The following SLC25A21 variants were observed in gnomAD, a reference collection of about 807,000 sequenced individuals.
SLC25A21 encodes mitochondrial 2-oxodicarboxylate carrier.
In SLC25A21, 47 loss-of-function variants were observed where a neutral mutation model predicts 43.8. The observed-to-expected ratio is 1.07, with a 90% confidence interval of 0.85 to 1.37. SLC25A21 has a LOEUF of 1.37. Ranked by LOEUF, SLC25A21 falls within the 40% of genes most tolerant of loss-of-function variation. The pLI is 0.00. For synonymous variants in SLC25A21, 131 were observed against 121.3 expected (o/e 1.08, Z -0.52); for missense variants, 352 against 350.2 (o/e 1.00, Z -0.04).
At chr14:37,127,067 GT>G (rs1963309927) in intron 1 of SLC25A21, among the ~76,000 whole-genome samples, 1 of 152,124 alleles carries the variant, frequency 6.6e-6, no homozygotes, top group South Asian at 2.1e-4. Context: ...AGAGCACTGG[GT>G]TCACCTAGGG....
At chr14:36,922,619 T>C (rs10146438) in intron 1 of SLC25A21, among the ~76,000 whole-genome samples, 75,013 of 151,282 alleles carry the variant, frequency 0.5, 20,849 homozygotes, top group Non-Finnish European at 0.62. Flanking sequence ...TATGAGGGAG[T>C]TGGAGCTAAA....
chr14:37,040,234 G>T (rs1295057396), intron 1 of SLC25A21, among the ~76,000 whole-genome samples: 1 of 25,650 alleles, frequency 3.9e-5, no homozygotes, highest in Non-Finnish European at 6.9e-5. Flanking sequence ...GAAAAAGAAA[G>T]GGAGGAAGGG....
At chr14:36,745,876 G>GA (rs1438589277) in intron 3 of SLC25A21, among the ~76,000 whole-genome samples, 1 of 152,014 alleles carries the variant, frequency 6.6e-6, no homozygotes, top group Non-Finnish European at 1.5e-5. Flanking sequence ...CTAATCATCA[G>GA]AAAAATGCAA....
chr14:36,753,965 G>GAGAGAA (rs1885824241), intron 3 of SLC25A21, among the ~76,000 whole-genome samples: 6 of 150,888 alleles, frequency 4.0e-5, no homozygotes, highest in Admixed American at 6.6e-5. Context: ...GAGAGAAAGA[G>GAGAGAA]AGAGAAAAAG....
intron 3 of SLC25A21, among the ~76,000 whole-genome samples, chr14:36,799,122 T>A (rs1212004282): frequency 6.6e-6 from 1 of 152,088 alleles, no homozygotes; most frequent in Non-Finnish European, 1.5e-5. Flanking sequence ...TGAAAGAAAA[T>A]GGATTTCCCC....
rs1407152845 is a variant in SLC25A21, at chr14:36,708,790, C to G, written c.603+2528G>C. On this transcript the variant is annotated intron_variant, in intron 7 of 9. Transcript: ENST00000331299. ...TGTAGCGATGAGGTCTCACTATGTT[C>G]CCCAGGCCTGTCTCAACTCTTGGCC... 3.8e-5 allele frequency among the ~76,000 whole-genome samples: 5 copies of G among 131,816 alleles called. No homozygotes were observed. The South Asian group carries it at 1.2e-3, about 32-fold the overall frequency. 86.5% of individuals were successfully genotyped at this position (131,816 alleles called of 152,430 possible).
intron 9 of SLC25A21, among the ~76,000 whole-genome samples, chr14:36,682,815 G>A (rs1403612861): frequency 6.6e-6 from 1 of 152,154 alleles, no homozygotes; most frequent in Non-Finnish European, 1.5e-5. Flanking sequence ...TGGGATAGAT[G>A]GGTTGGGAAT....
chr14:36,890,353 C>CA (rs1566714031), intron 1 of SLC25A21, among the ~76,000 whole-genome samples: 1 of 152,076 alleles, frequency 6.6e-6, no homozygotes, highest in Non-Finnish European at 1.5e-5. Flanking sequence ...GAGGAAATGA[C>CA]AGAGGGCAAA....
chr14:36,949,237 T>C (rs59381342), intron 1 of SLC25A21, among the ~76,000 whole-genome samples: 6,592 of 152,280 alleles, frequency 0.043, 284 homozygotes, highest in Middle Eastern at 0.14. Context: ...GGAAATGTAA[T>C]ACCTATAAGA....
intron 1 of SLC25A21, among the ~76,000 whole-genome samples, chr14:36,896,199 A>T (rs1025075990): frequency 6.6e-6 from 1 of 152,018 alleles, no homozygotes; most frequent in African/African-American, 2.4e-5. Context: ...GTCTCTAAGG[A>T]CTTGCTTTAT....
At chr14:37,074,453 G>T (rs763229699) in intron 1 of SLC25A21, among the ~76,000 whole-genome samples, 1 of 152,134 alleles carries the variant, frequency 6.6e-6, no homozygotes, top group Non-Finnish European at 1.5e-5. Context: ...TTCCCAGAAG[G>T]CTGAATTCTA....
At chr14:36,710,480 G>T (rs1031167177) in intron 7 of SLC25A21, among the ~76,000 whole-genome samples, 3 of 152,168 alleles carry the variant, frequency 2.0e-5, no homozygotes, top group Non-Finnish European at 4.4e-5. Context: ...TGCCAGGCTG[G>T]AGTGCAGTGG....
At chr14:37,160,260 G>A (rs1225402724) in intron 1 of SLC25A21, among the ~76,000 whole-genome samples, 3 of 152,202 alleles carry the variant, frequency 2.0e-5, no homozygotes, top group Non-Finnish European at 4.4e-5. Flanking sequence ...AGTGATAGCT[G>A]CACTTGCATG....
At chr14:37,107,665 TATC>T (rs1962940961) in intron 1 of SLC25A21, among the ~76,000 whole-genome samples, 2 of 152,306 alleles carry the variant, frequency 1.3e-5, no homozygotes, top group South Asian at 4.1e-4. Flanking sequence ...TTGTTATTGT[TATC>T]ATCCCCATTT....
chr14:36,884,423 C>T (rs1408944954), intron 1 of SLC25A21, among the ~76,000 whole-genome samples: 1 of 152,180 alleles, frequency 6.6e-6, no homozygotes, highest in East Asian at 1.9e-4. Context: ...GTGAATAATG[C>T]TATGATTAAC....
At chr14:36,786,894 C>A (rs1248172156) in intron 3 of SLC25A21, among the ~76,000 whole-genome samples, 2 of 152,140 alleles carry the variant, frequency 1.3e-5, no homozygotes, top group Non-Finnish European at 2.9e-5. Context: ...CGGTCTTTCA[C>A]AGCAATTAGA....
chr14:36,915,703 T>C (rs181282737), intron 1 of SLC25A21, among the ~76,000 whole-genome samples: 29 of 152,248 alleles, frequency 1.9e-4, no homozygotes, highest in South Asian at 1.2e-3. Context: ...ATCATCACAC[T>C]TTCAGGCAAT....
chr14:37,002,810 T>C (rs888644525), intron 1 of SLC25A21, among the ~76,000 whole-genome samples: 5 of 152,192 alleles, frequency 3.3e-5, no homozygotes, highest in Non-Finnish European at 7.3e-5. Context: ...TCTGGTGCTT[T>C]CTTTCCAGTA....
chr14:37,130,087 CAAAA>C (rs111382394), intron 1 of SLC25A21, among the ~76,000 whole-genome samples: 1 of 121,080 alleles, frequency 8.3e-6, no homozygotes. Context: ...CCTGTCTCTA[CAAAA>C]AAAAAAAAAA....
Sources: gnomAD v4.1 joint callset for allele counts (sites outside exome capture counted in the v4.1 genomes callset) on GRCh38, gnomAD v4.1.1 for gene constraint, MANE v1.5 for transcripts, NCBI Gene and HGNC (gene_info 2026-07-23, HGNC 2026-07-21) for gene names.